The following PREX2 variants were observed in gnomAD, a reference collection of about 807,000 sequenced individuals.
The protein encoded by PREX2 is phosphatidylinositol 3,4,5-trisphosphate-dependent Rac exchanger 2 protein.
In PREX2, 107 loss-of-function variants were observed where a neutral mutation model predicts 203.2. That is an observed-to-expected ratio of 0.53 (90% CI 0.45 to 0.62). The LOEUF is 0.62. Ranked by LOEUF, PREX2 falls within the 20% of genes least tolerant of loss-of-function variation. PREX2 has a pLI of 0.00. For missense variants in PREX2, 1,777 were observed against 1,955.9 expected (o/e 0.91, Z 1.72); for synonymous variants, 672 against 663.6 (o/e 1.01, Z -0.19).
chr8:68,072,570 G>A lies in PREX2; in HGVS notation c.1569G>A (p.Gln523=). 3 of 1,557,464 alleles carry A rather than the reference G, an allele frequency of 1.9e-6. No individual in the cohort carries two copies. The highest frequency in any genetic ancestry group is 2.7e-6 in the Non-Finnish European group (3 of 1,130,028). ...AACTGATAGACTGGTTAATTGCACA[G>A]GTAAATAGACAAATAGAAGTTGCTG... ...ANKLIDWLIA[Q]GDCRTREEAM... Residue 523 remains glutamine, a splice_region_variant and synonymous_variant, in exon 14 of 40, where the codon CAG becomes CAA. Coordinates refer to ENST00000288368, the MANE Select transcript of PREX2 (RefSeq NM_024870.4).
chr8:68,066,757 G>T (rs116345837), intron 11 of PREX2, among the ~76,000 whole-genome samples: 1,924 of 151,566 alleles, frequency 0.013, 44 homozygotes, highest in African/African-American at 0.043. Context: ...GTCTATTTTT[G>T]CCTTTGTTGC....
chr8:68,133,207 C>T (rs975230051), intron 31 of PREX2, among the ~76,000 whole-genome samples: 2 of 152,052 alleles, frequency 1.3e-5, no homozygotes, highest in African/African-American at 4.8e-5. Context: ...CATCAGATCT[C>T]GTGAAAATTC....
intron 8 of PREX2, among the ~76,000 whole-genome samples, chr8:68,047,466 AATTTAT>A (rs1563516791): frequency 1.6e-5 from 1 of 64,210 alleles, no homozygotes; most frequent in Non-Finnish European, 2.9e-5. Context: ...AAAATGGATG[AATTTAT>A]ATATATATAT....
intron 18 of PREX2, among the ~76,000 whole-genome samples, chr8:68,086,761 A>ATG (rs1324323764): frequency 6.6e-6 from 1 of 151,854 alleles, no homozygotes; most frequent in Admixed American, 6.6e-5. Context: ...TCTTTTTTTA[A>ATG]TGTAGATTCA....
Position 67,997,881 on chromosome 8 carries a change from A to G in PREX2, c.142-19965A>G, listed in dbSNP as rs137965868. On this transcript the variant is annotated intron_variant, in intron 1 of 39. Coordinates refer to ENST00000288368, the MANE Select transcript of PREX2 (RefSeq NM_024870.4). ...TTAAAAATATTGAGCTCTTCAATCCATGAACGTGGTAGCTCTCCATTTAGA... is the reference window on the plus strand; with the variant it reads ...TTAAAAATATTGAGCTCTTCAATCCGTGAACGTGGTAGCTCTCCATTTAGA... 4.6e-4 allele frequency among the ~76,000 whole-genome samples: 70 copies of G among 152,308 alleles called. 1 individual carries two copies. The highest frequency in any genetic ancestry group is 1.6e-3 in the African/African-American group (67 of 41,580).
chr8:67,961,790 T>C (rs1027088667), intron 1 of PREX2, among the ~76,000 whole-genome samples: 5 of 152,230 alleles, frequency 3.3e-5, no homozygotes, highest in Non-Finnish European at 7.3e-5. Context: ...ATTGAATAAA[T>C]TTGTTGTATA....
chr8:68,062,572 C>A (rs1378813264), intron 11 of PREX2, among the ~76,000 whole-genome samples: 1 of 152,136 alleles, frequency 6.6e-6, no homozygotes, highest in Non-Finnish European at 1.5e-5. Flanking sequence ...TTAGCTTTTG[C>A]TCTTCTCATT....
intron 4 of PREX2, among the ~76,000 whole-genome samples, chr8:68,022,743 C>T (rs1011898045): frequency 1.3e-4 from 20 of 152,014 alleles, no homozygotes; most frequent in Non-Finnish European, 7.4e-5. Context: ...ATTTTTAGAT[C>T]ATTTTTGTCA....
chr8:68,094,669 C>T (rs1445784299), intron 21 of PREX2, among the ~76,000 whole-genome samples: 1 of 152,192 alleles, frequency 6.6e-6, no homozygotes, highest in East Asian at 1.9e-4. Context: ...AGAATAATTC[C>T]CTATTCTGAG....
chr8:68,048,793 A>T (rs1468830576), intron 8 of PREX2, among the ~76,000 whole-genome samples: 1 of 152,032 alleles, frequency 6.6e-6, no homozygotes, highest in Non-Finnish European at 1.5e-5. Flanking sequence ...CACTTAAATC[A>T]AGTACCTGTA....
At chr8:68,096,863 A>G (rs1258564183) in intron 21 of PREX2, among the ~76,000 whole-genome samples, 154 bp from the exon 22 acceptor site, 6 of 152,210 alleles carry the variant, frequency 3.9e-5, no homozygotes, top group South Asian at 2.1e-4. Context: ...GTTATTTTTT[A>G]AAATGTTAAC....
intron 37 of PREX2, among the ~76,000 whole-genome samples, chr8:68,208,359 G>A (rs372718056): frequency 5.9e-5 from 9 of 151,590 alleles, no homozygotes; most frequent in African/African-American, 1.9e-4. Flanking sequence ...CATAAATCAC[G>A]AAACAAAGAT....
intron 4 of PREX2, among the ~76,000 whole-genome samples, chr8:68,025,399 A>G (rs145987385): frequency 6.6e-6 from 1 of 151,854 alleles, no homozygotes; most frequent in African/African-American, 2.4e-5. Context: ...ACTTTATATG[A>G]TGGGTCATTT....
At chr8:68,187,780 A>C (rs75035248) in intron 35 of PREX2, among the ~76,000 whole-genome samples, 2,229 of 152,288 alleles carry the variant, frequency 0.015, 50 homozygotes, top group African/African-American at 0.051. Context: ...TAGGAAATGC[A>C]AAAATCACAG....
chr8:68,129,730 G>A lies in PREX2; in HGVS notation c.3766+2311G>A, dbSNP rs546837121. On this transcript the variant is annotated intron_variant, in intron 31 of 39. Transcript: ENST00000288368. ...ATAGTGTAATTTAAAACATGTGTTA[G>A]AAGATGAGTTTAAATAGGTGCTTAA... 1.6e-3 allele frequency among the ~76,000 whole-genome samples: 247 copies of A among 152,200 alleles called. 1 individual carries two copies. The Middle Eastern group carries it at 0.021, about 13-fold the overall frequency.
intron 8 of PREX2, among the ~76,000 whole-genome samples, chr8:68,049,148 TATC>T (rs1808448345): frequency 2.3e-5 from 3 of 132,168 alleles, no homozygotes; most frequent in Non-Finnish European, 4.9e-5. Flanking sequence ...CCAAAAATAA[TATC>T]ATATGCTATT....
intron 35 of PREX2, among the ~76,000 whole-genome samples, chr8:68,170,160 A>T (rs1811847347): frequency 1.3e-5 from 2 of 152,168 alleles, no homozygotes; most frequent in South Asian, 4.1e-4. Flanking sequence ...GAAGACAGAG[A>T]AGGCCAGTGG....
intron 35 of PREX2, among the ~76,000 whole-genome samples, chr8:68,166,180 A>G (rs2129614116): frequency 6.6e-6 from 1 of 152,274 alleles, no homozygotes; most frequent in South Asian, 2.1e-4. Flanking sequence ...GGTTTGAAAA[A>G]CAGCCCAAAT....
chr8:68,018,243 G>A (rs1807462825), intron 2 of PREX2, among the ~76,000 whole-genome samples: 8 of 151,954 alleles, frequency 5.3e-5, no homozygotes, highest in Admixed American at 5.2e-4. Context: ...CGAGGTGGGA[G>A]GATCACCCAA....
Sources: gnomAD v4.1 joint callset for allele counts (sites outside exome capture counted in the v4.1 genomes callset) on GRCh38, gnomAD v4.1.1 for gene constraint, MANE v1.5 for transcripts, NCBI Gene and HGNC (gene_info 2026-07-23, HGNC 2026-07-21) for gene names.